DEPDC1B: variants seen among roughly 807,000 people sequenced by gnomAD.
The protein encoded by DEPDC1B is DEP domain containing 1B.
Under a neutral mutation model 66.5 loss-of-function variants are expected in DEPDC1B, and 51 were observed. The ratio of observed to expected loss-of-function variants is 0.77; its 90% CI spans 0.61 to 0.97. The LOEUF (loss-of-function observed/expected upper bound fraction) is 0.97, where lower values mean the gene tolerates loss of function less well. Among genes scored for constraint, DEPDC1B ranks in the 50% least tolerant of loss-of-function variants. DEPDC1B has a pLI of 0.00. For synonymous variants in DEPDC1B, 226 were observed against 223.6 expected, an observed-to-expected ratio of 1.01 and a Z score of -0.10; for missense variants, 552 against 637.1, an observed-to-expected ratio of 0.87 and a Z score of 1.44.
intron 3 of DEPDC1B, 146 bp downstream of exon 3, chr5:60,647,252 G>C: frequency 1.1e-6 from 1 of 905,022 alleles, no homozygotes; most frequent in East Asian, 3.0e-5. Context: ...CCTTGTTACT[G>C]GTCTCCCAGC....
intron 2 of DEPDC1B, among the ~76,000 whole-genome samples, chr5:60,659,848 T>C (rs1317703912): frequency 6.6e-6 from 1 of 152,184 alleles, no homozygotes; most frequent in African/African-American, 2.4e-5. Context: ...CTATGCTGCA[T>C]CATTAGGCAT....
chr5:60,683,428 T>C (rs918163268), intron 2 of DEPDC1B, among the ~76,000 whole-genome samples: 1 of 152,010 alleles, frequency 6.6e-6, no homozygotes, highest in South Asian at 2.1e-4. Context: ...CAAGACCCTG[T>C]CTCAAAAAGA....
At chr5:60,632,934 G>T (rs1389207982) in intron 7 of DEPDC1B, among the ~76,000 whole-genome samples, 1 of 152,222 alleles carries the variant, frequency 6.6e-6, no homozygotes, top group African/African-American at 2.4e-5. Flanking sequence ...CCTGACGCCA[G>T]CAGAATAAGC....
At chr5:60,698,663 CTTA>C (rs1561398325) in intron 1 of DEPDC1B, among the ~76,000 whole-genome samples, 1 of 132,106 alleles carries the variant, frequency 7.6e-6, no homozygotes, top group African/African-American at 2.8e-5. Context: ...TCCCAATCTC[CTTA>C]TTATTTTTTT....
At chr5:60,636,534 G>A (rs1753047659) in intron 7 of DEPDC1B, among the ~76,000 whole-genome samples, 1 of 152,178 alleles carries the variant, frequency 6.6e-6, no homozygotes, top group Non-Finnish European at 1.5e-5. Context: ...ATCAAAGTAA[G>A]TAAAAGGTTT....
intron 9 of DEPDC1B, 83 bp downstream of exon 9, chr5:60,603,305 CATA>C: frequency 7.9e-7 from 1 of 1,267,368 alleles, no homozygotes; most frequent in Non-Finnish European, 1.1e-6. Context: ...ACTTAATCCT[CATA>C]ATAAAATGCC....
At chr5:60,658,068 T>C (rs1417635813) in intron 2 of DEPDC1B, among the ~76,000 whole-genome samples, 2 of 152,218 alleles carry the variant, frequency 1.3e-5, no homozygotes, top group African/African-American at 4.8e-5. Flanking sequence ...CTTTCTTCTA[T>C]TTGTTTGATT....
intron 7 of DEPDC1B, among the ~76,000 whole-genome samples, chr5:60,607,473 A>T (rs896988068): frequency 1.3e-5 from 2 of 152,184 alleles, no homozygotes; most frequent in Admixed American, 1.3e-4. Flanking sequence ...TTTACCCAAC[A>T]AATATTTATG....
chr5:60,624,144 T>C (rs1752763511), intron 7 of DEPDC1B, among the ~76,000 whole-genome samples: 1 of 152,188 alleles, frequency 6.6e-6, no homozygotes, highest in South Asian at 2.1e-4. Flanking sequence ...ACAGGTACCC[T>C]TGATAAGGCT....
At chr5:60,666,316 T>A (rs1753839504) in intron 2 of DEPDC1B, among the ~76,000 whole-genome samples, 2 of 152,166 alleles carry the variant, frequency 1.3e-5, no homozygotes, top group Admixed American at 1.3e-4. Context: ...AATAGAGCTA[T>A]AACACTCACC....
chr5:60,681,326 C>A (rs1310995560), intron 2 of DEPDC1B, among the ~76,000 whole-genome samples: 1 of 152,178 alleles, frequency 6.6e-6, no homozygotes, highest in Non-Finnish European at 1.5e-5. Context: ...GCATCTACAT[C>A]ATCAGAAAAG....
intron 2 of DEPDC1B, among the ~76,000 whole-genome samples, chr5:60,664,364 C>T (rs1425833570): frequency 6.6e-6 from 1 of 152,168 alleles, no homozygotes; most frequent in Non-Finnish European, 1.5e-5. Context: ...GGAAAGAGAT[C>T]TTACTGTGTG....
chr5:60,665,175 C>A (rs577575749), intron 2 of DEPDC1B, among the ~76,000 whole-genome samples: 1 of 152,132 alleles, frequency 6.6e-6, no homozygotes, highest in African/African-American at 2.4e-5. Context: ...AGTTTCCTCC[C>A]CTCAGGATGG....
In DEPDC1B at chr5:60,628,121, C is replaced by T. The variant is rs1362262886; in HGVS notation, c.898+10629G>A. 2.6e-5 allele frequency: 4 copies of T among 152,180 alleles called. No individual in the cohort carries two copies. In the South Asian group the frequency reaches 6.2e-4, roughly 24 times the overall value. The allele number at this position is 152,180 out of a possible 1,614,324, so 9.4% of individuals were successfully genotyped here. A position where few individuals can be genotyped will look rare whatever the true frequency, so the allele number is the denominator to read the frequency against. ...TGGAATAAGTGAATAAATAATTTAA[C>T]ACTCAAGGAAACCCAACTGTTCCTA... On this transcript the variant is annotated intron_variant, in intron 7 of 10. Transcript: ENST00000265036.
At chr5:60,621,476 T>C (rs565351216) in intron 7 of DEPDC1B, among the ~76,000 whole-genome samples, 6 of 151,746 alleles carry the variant, frequency 4.0e-5, no homozygotes, top group East Asian at 3.9e-4. Context: ...TTCTCACTCA[T>C]TGAACAATGA....
intron 2 of DEPDC1B, among the ~76,000 whole-genome samples, chr5:60,660,234 C>A (rs1383132445): frequency 7.4e-6 from 1 of 134,338 alleles, no homozygotes; most frequent in African/African-American, 2.9e-5. Context: ...GAGAGAGAGA[C>A]AGACAGAGAG....
chr5:60,605,732 TTTG>T lies in DEPDC1B; in HGVS notation c.1020_1022del (p.Asn340del). On this transcript the variant is annotated inframe_deletion, in exon 8 of 11. Coordinates refer to ENST00000265036, the MANE Select transcript of DEPDC1B (RefSeq NM_018369.3). Reference sequence around the variant, plus strand: ...AGCCATCACACAGGGGTGGCATCTCTTTGTTTAAGCAAATCCTTGCCATCATCC... The same window carrying T: ...AGCCATCACACAGGGGTGGCATCTCTTTTAAGCAAATCCTTGCCATCATCC... 1 of 1,613,196 alleles carries T rather than the reference TTTG, an allele frequency of 6.2e-7. No homozygotes were observed. The highest frequency in any genetic ancestry group is 1.7e-4 in the Middle Eastern group (1 of 6,056).
intron 2 of DEPDC1B, among the ~76,000 whole-genome samples, chr5:60,670,737 C>A (rs1487195472): frequency 6.6e-6 from 1 of 152,192 alleles, no homozygotes; most frequent in East Asian, 1.9e-4. Flanking sequence ...AGTGGCCCTA[C>A]TTACCATCCC....
intron 2 of DEPDC1B, among the ~76,000 whole-genome samples, chr5:60,686,473 T>C (rs1754415159): frequency 6.6e-6 from 1 of 152,144 alleles, no homozygotes; most frequent in African/African-American, 2.4e-5. Flanking sequence ...TGAGCAAAAA[T>C]GTTTGCAGAA....
Sources: allele counts gnomAD v4.1 joint callset (sites outside exome capture counted in the v4.1 genomes callset), GRCh38; gene constraint gnomAD v4.1.1; transcripts MANE v1.5; gene names NCBI Gene and HGNC (gene_info 2026-07-23, HGNC 2026-07-21).